Variants in EPHA7 observed in about 807,000 individuals in gnomAD.
The protein encoded by EPHA7 is ephrin type-A receptor 7.
EPHA7 carries 25 observed loss-of-function variants against 112.6 expected under a neutral mutation model. The observed-to-expected ratio is 0.22, with a 90% confidence interval of 0.16 to 0.31. The LOEUF is 0.31. Among genes scored for constraint, EPHA7 ranks in the 10% least tolerant of loss-of-function variants. The pLI is 1.00. For missense variants in EPHA7, 962 were observed against 1,212.6 expected (o/e 0.79, Z 3.07); for synonymous variants, 437 against 406.5 (o/e 1.07, Z -0.90).
At chr6:93,366,690 C>T (rs1776530422) in intron 3 of EPHA7, among the ~76,000 whole-genome samples, 1 of 152,114 alleles carries the variant, frequency 6.6e-6, no homozygotes, top group Non-Finnish European at 1.5e-5. Flanking sequence ...GATCCGTCTG[C>T]CAACCGGTTT....
chr6:93,412,503 C>G (rs1266732777), intron 2 of EPHA7, among the ~76,000 whole-genome samples: 1 of 152,034 alleles, frequency 6.6e-6, no homozygotes, highest in Non-Finnish European at 1.5e-5. Context: ...TATACACAGT[C>G]TAATACCATC....
At chr6:93,346,353 T>A (rs548073490) in intron 5 of EPHA7, among the ~76,000 whole-genome samples, 3 of 151,698 alleles carry the variant, frequency 2.0e-5, no homozygotes, top group African/African-American at 4.8e-5. Context: ...ACCGCTTCAA[T>A]AACACTTAGA....
intron 14 of EPHA7, among the ~76,000 whole-genome samples, chr6:93,250,139 T>C (rs1174185111): frequency 6.6e-6 from 1 of 152,138 alleles, no homozygotes; most frequent in Admixed American, 6.6e-5. Flanking sequence ...ATCTCATTAA[T>C]AGTCACATCC....
At chr6:93,368,545 C>T (rs1301212539) in intron 3 of EPHA7, among the ~76,000 whole-genome samples, 8 of 151,968 alleles carry the variant, frequency 5.3e-5, no homozygotes, top group Admixed American at 1.3e-4. Context: ...TAGTCCAATT[C>T]GAAGGATTAA....
In EPHA7 at chr6:93,358,512, T is replaced by C. The variant is rs558211799; in HGVS notation, c.833-101A>G. On this transcript the variant is annotated intron_variant, in intron 3 of 16. Transcript: ENST00000369303. ...AAGGAATCAAATATTAAATGTGATG[T>C]ATGTAAAACAAGCTCTTGATGATAA... 1.6e-5 allele frequency: 15 copies of C among 957,522 alleles called. No individual in the cohort carries two copies. The African/African-American group carries it at 2.5e-4, about 16-fold the overall frequency. The allele number at this position is 957,522 out of a possible 1,614,324, so 59.3% of individuals were successfully genotyped here.
chr6:93,407,463 T>C (rs1312158983), intron 3 of EPHA7, among the ~76,000 whole-genome samples: 2 of 152,038 alleles, frequency 1.3e-5, no homozygotes, highest in Non-Finnish European at 2.9e-5. Flanking sequence ...GAGGGAAGTG[T>C]TTTTGCAAAT....
At chr6:93,300,105 C>T (rs948141397) in intron 5 of EPHA7, among the ~76,000 whole-genome samples, 4 of 152,152 alleles carry the variant, frequency 2.6e-5, no homozygotes, top group South Asian at 4.2e-4. Context: ...AACAAACCTG[C>T]GCATGTATCC....
chr6:93,260,599 C>T, intron 9 of EPHA7: 1 of 964,482 alleles, frequency 1.0e-6, no homozygotes. Context: ...CTTATGTCAT[C>T]ACATTAAAAC....
chr6:93,314,106 C>CCTGGG (rs1773672362), intron 5 of EPHA7, among the ~76,000 whole-genome samples: 1 of 151,822 alleles, frequency 6.6e-6, no homozygotes, highest in Non-Finnish European at 1.5e-5. Context: ...TTATCCTTCT[C>CCTGGG]TTCATTCATT....
intron 5 of EPHA7, among the ~76,000 whole-genome samples, chr6:93,278,899 A>G (rs1019116422): frequency 2.0e-5 from 3 of 152,022 alleles, no homozygotes; most frequent in Admixed American, 2.0e-4. Context: ...AGGAAAGCTA[A>G]GCAGTCATTC....
chr6:93,403,966 T>C (rs1372151668), intron 3 of EPHA7, among the ~76,000 whole-genome samples: 3 of 152,060 alleles, frequency 2.0e-5, no homozygotes, highest in Admixed American at 6.6e-5. Context: ...AAATGTTAAA[T>C]AATGAGACAT....
At chr6:93,309,019 G>A (rs1044617364) in intron 5 of EPHA7, among the ~76,000 whole-genome samples, 3 of 151,006 alleles carry the variant, frequency 2.0e-5, no homozygotes, top group Non-Finnish European at 2.9e-5. Context: ...CATGATCTCC[G>A]CTCACTGCAA....
intron 3 of EPHA7, among the ~76,000 whole-genome samples, chr6:93,381,118 C>T (rs1777313130): frequency 1.3e-5 from 2 of 152,154 alleles, no homozygotes; most frequent in East Asian, 1.9e-4. Flanking sequence ...TGAATGTTAT[C>T]AGTTATCGGG....
At chr6:93,381,780 A>T (rs1165148850) in intron 3 of EPHA7, among the ~76,000 whole-genome samples, 1 of 150,740 alleles carries the variant, frequency 6.6e-6, no homozygotes, top group African/African-American at 2.4e-5. Context: ...TCCTCTGCTC[A>T]GTCTTTTGGA....
At chr6:93,371,463 G>T (rs1582615890) in intron 3 of EPHA7, among the ~76,000 whole-genome samples, 1 of 152,186 alleles carries the variant, frequency 6.6e-6, no homozygotes, top group East Asian at 1.9e-4. Context: ...AGCATCTGTG[G>T]ATGCTGGTAT....
At chr6:93,257,122 C>T (rs1770475911) in intron 12 of EPHA7, among the ~76,000 whole-genome samples, 1 of 152,036 alleles carries the variant, frequency 6.6e-6, no homozygotes, top group Non-Finnish European at 1.5e-5. Flanking sequence ...ATGGTTATCT[C>T]ACCTTTTAGT....
rs373022206 is a variant in EPHA7, at chr6:93,357,074, A to G, written c.989-22T>C. The G allele has an allele frequency of 2.2e-4, 343 of 1,542,876 alleles. 1 individual carries two copies. The highest frequency in any genetic ancestry group is 4.6e-5 in the Non-Finnish European group (52 of 1,142,196). ...GGCCCTTGGGAAACCAAGAATAAAT[A>G]AGTAAATAAGCAAAAATAGAAAAAA... is the stretch of plus-strand genomic sequence containing the variant. On this transcript the variant is annotated intron_variant, in intron 4 of 16. Coordinates refer to ENST00000369303, the MANE Select transcript of EPHA7 (RefSeq NM_004440.4).
intron 5 of EPHA7, among the ~76,000 whole-genome samples, chr6:93,286,709 T>C (rs1215247744): frequency 6.6e-6 from 1 of 152,158 alleles, no homozygotes; most frequent in Non-Finnish European, 1.5e-5. Flanking sequence ...CTATATATGA[T>C]AGCATTAAAC....
chr6:93,419,185 T>C, intron 1 of EPHA7, 60 bp downstream of exon 1: 3 of 1,412,744 alleles, frequency 2.1e-6, no homozygotes, highest in Non-Finnish European at 2.9e-6. Flanking sequence ...CGAGCTGGCT[T>C]GTGCAGGTAG....
Sources: gnomAD v4.1 joint callset for allele counts (sites outside exome capture counted in the v4.1 genomes callset) on GRCh38, gnomAD v4.1.1 for gene constraint, MANE v1.5 for transcripts, NCBI Gene and HGNC (gene_info 2026-07-23, HGNC 2026-07-21) for gene names.